GRM8: variants seen among roughly 807,000 people sequenced by gnomAD.
GRM8 encodes glutamate metabotropic receptor 8.
GRM8 carries 47 observed loss-of-function variants against 87.2 expected under a neutral mutation model. The ratio of observed to expected loss-of-function variants is 0.54; its 90% CI spans 0.43 to 0.69. The LOEUF (loss-of-function observed/expected upper bound fraction) is 0.69. Among genes scored for constraint, GRM8 ranks in the 30% least tolerant of loss-of-function variants. GRM8 has a pLI of 0.00. For missense variants in GRM8, 1,019 were observed against 1,139.2 expected (o/e 0.89, Z 1.52); for synonymous variants, 396 against 404.5 (o/e 0.98, Z 0.25).
chr7:126,599,102 C>G (rs1320791908), intron 8 of GRM8, among the ~76,000 whole-genome samples: 1 of 152,136 alleles, frequency 6.6e-6, no homozygotes, highest in Admixed American at 6.6e-5. Flanking sequence ...AGAAGTCACT[C>G]AGTAACTCTA....
At chr7:126,838,497 C>A (rs1342652309) in intron 6 of GRM8, among the ~76,000 whole-genome samples, 2 of 152,154 alleles carry the variant, frequency 1.3e-5, no homozygotes, top group East Asian at 3.9e-4. Context: ...ATAACCTTCC[C>A]CACCTACTAT....
intron 3 of GRM8, among the ~76,000 whole-genome samples, chr7:126,914,147 G>A (rs1205633897): frequency 6.6e-6 from 1 of 152,084 alleles, no homozygotes; most frequent in African/African-American, 2.4e-5. Flanking sequence ...AAGACATACA[G>A]GTGGCTAACA....
intron 2 of GRM8, among the ~76,000 whole-genome samples, chr7:127,120,807 A>G (rs1333719879): frequency 1.3e-5 from 2 of 152,228 alleles, no homozygotes; most frequent in Non-Finnish European, 2.9e-5. Context: ...TCTCCTGATC[A>G]TTAGAAATTT....
At chr7:126,709,079 A>T (rs7794592) in intron 7 of GRM8, among the ~76,000 whole-genome samples, 4 of 151,912 alleles carry the variant, frequency 2.6e-5, no homozygotes, top group Non-Finnish European at 5.9e-5. Context: ...TAAATATATA[A>T]AATTTTTTGT....
chr7:126,811,484 C>G (rs149819127), intron 6 of GRM8, among the ~76,000 whole-genome samples: 415 of 151,926 alleles, frequency 2.7e-3, no homozygotes, highest in Non-Finnish European at 4.5e-3. Context: ...ATTAATTCTT[C>G]TGAATCATGA....
In GRM8 at chr7:126,734,379, T is replaced by C. The variant is rs565825195; in HGVS notation, c.1357+35486A>G. Among the ~76,000 whole-genome samples, 144 of 151,996 alleles carry C rather than the reference T, an allele frequency of 9.5e-4. No individual in the cohort carries two copies. In the Middle Eastern group the frequency reaches 0.01, roughly 11 times the overall value. On this transcript the variant is annotated intron_variant, in intron 7 of 10. Coordinates refer to ENST00000339582, the MANE Select transcript of GRM8 (RefSeq NM_000845.3). The stretch of plus-strand genomic sequence containing the variant: ...CCCTATTAGATATTAACATATATCA[T>C]GGCAATATTTTAAATAATGATATAC...
intron 7 of GRM8, among the ~76,000 whole-genome samples, chr7:126,759,837 G>A (rs1451855387): frequency 6.6e-6 from 1 of 152,048 alleles, no homozygotes; most frequent in East Asian, 1.9e-4. Flanking sequence ...AACTTCATAG[G>A]AAACCAAAAT....
chr7:126,481,364 C>G (rs1244853021), intron 9 of GRM8, among the ~76,000 whole-genome samples: 1 of 151,956 alleles, frequency 6.6e-6, no homozygotes, highest in Non-Finnish European at 1.5e-5. Flanking sequence ...AAATATTTAT[C>G]AATTACCAAT....
At chr7:126,788,705 G>C (rs1004432643) in intron 6 of GRM8, among the ~76,000 whole-genome samples, 1 of 150,842 alleles carries the variant, frequency 6.6e-6, no homozygotes, top group Non-Finnish European at 1.5e-5. Flanking sequence ...CAAACCACGA[G>C]AGCGTTTAAT....
chr7:126,976,966 C>A (rs58747234), intron 3 of GRM8, among the ~76,000 whole-genome samples: 106 of 151,828 alleles, frequency 7.0e-4, no homozygotes, highest in African/African-American at 2.3e-3. Context: ...CTATTTTCCA[C>A]ATAAGAAGAT....
At chr7:127,220,529 A>G (rs553196261) in intron 2 of GRM8, among the ~76,000 whole-genome samples, 5 of 152,184 alleles carry the variant, frequency 3.3e-5, no homozygotes, top group Non-Finnish European at 7.4e-5. Context: ...CTGTTGCCCA[A>G]GCTGGAGTGC....
At chr7:126,497,750 C>T (rs1035208783) in intron 9 of GRM8, among the ~76,000 whole-genome samples, 3 of 151,962 alleles carry the variant, frequency 2.0e-5, no homozygotes, top group East Asian at 2.0e-4. Context: ...GGGTTAAACC[C>T]GTATGTACTG....
intron 3 of GRM8, among the ~76,000 whole-genome samples, chr7:127,062,947 T>C (rs559423283): frequency 6.6e-6 from 1 of 152,160 alleles, no homozygotes. Flanking sequence ...ATTTTATTAA[T>C]TTTTTTCCCA....
intron 3 of GRM8, among the ~76,000 whole-genome samples, chr7:127,098,106 A>G (rs1319404497): frequency 6.6e-6 from 1 of 152,186 alleles, no homozygotes; most frequent in African/African-American, 2.4e-5. Context: ...CCAATTTGCA[A>G]TTTCCTCAGC....
At position 127,037,874 on chromosome 7, in the gene GRM8, C is replaced by A. The variant is rs1025935703; in HGVS notation, c.727+68622G>T. Among the ~76,000 whole-genome samples, 8 of 151,062 alleles carry A rather than the reference C, an allele frequency of 5.3e-5. No individual in the cohort carries two copies. The South Asian group carries it at 1.7e-3, about 32-fold the overall frequency. Reference sequence around the variant, plus strand: ...GTGTGTGTGTGTGTGTTTAGTTACACTATATATAGTGTCAGGAAAAAACTG... The same window carrying A: ...GTGTGTGTGTGTGTGTTTAGTTACAATATATATAGTGTCAGGAAAAAACTG... On this transcript the variant is annotated intron_variant, in intron 3 of 10. Coordinates refer to ENST00000339582, the MANE Select transcript of GRM8 (RefSeq NM_000845.3).
chr7:126,491,977 T>G (rs1471304709), intron 9 of GRM8, among the ~76,000 whole-genome samples: 2 of 152,046 alleles, frequency 1.3e-5, no homozygotes, highest in Non-Finnish European at 2.9e-5. Flanking sequence ...AGCCATCCCT[T>G]CTTTCATTGC....
rs181470830 is a variant in GRM8, at chr7:127,062,560, A to G, written c.727+43936T>C. Reference sequence around the variant, plus strand: ...AATAAATGTCAGGACTTGTGAACACATTGTATATAAGAAATACTGTAGGAA... The same window carrying G: ...AATAAATGTCAGGACTTGTGAACACGTTGTATATAAGAAATACTGTAGGAA... On this transcript the variant is annotated intron_variant, in intron 3 of 10. Coordinates refer to ENST00000339582, the MANE Select transcript of GRM8 (RefSeq NM_000845.3). Among the ~76,000 whole-genome samples the G allele has an allele frequency of 2.7e-3, 416 of 152,338 alleles. 1 individual carries two copies. The highest frequency in any genetic ancestry group is 9.7e-3 in the African/African-American group (402 of 41,586).
At chr7:127,163,120 G>C (rs2116241230) in intron 2 of GRM8, among the ~76,000 whole-genome samples, 1 of 152,196 alleles carries the variant, frequency 6.6e-6, no homozygotes, top group East Asian at 1.9e-4. Flanking sequence ...GCTATAAAGA[G>C]ATATCTGAGA....
intron 6 of GRM8, chr7:126,869,455 A>C (rs560437162): frequency 6.6e-6 from 1 of 152,214 alleles, no homozygotes; most frequent in Non-Finnish European, 1.5e-5. Flanking sequence ...TCCATCAGAG[A>C]AGTCACTATG....
Sources: gnomAD v4.1 joint callset for allele counts (sites outside exome capture counted in the v4.1 genomes callset) on GRCh38, gnomAD v4.1.1 for gene constraint, MANE v1.5 for transcripts, NCBI Gene and HGNC (gene_info 2026-07-23, HGNC 2026-07-21) for gene names.